Variants in MGAT4C observed in about 807,000 individuals in gnomAD.
MGAT4C encodes alpha-1,3-mannosyl-glycoprotein 4-beta-N-acetylglucosaminyltransferase C.
In MGAT4C, 19 loss-of-function variants were observed where a neutral mutation model predicts 40.1. The observed-to-expected ratio is 0.47, with a 90% CI of 0.33 to 0.70. The LOEUF is 0.70. MGAT4C is among the 30% of genes least tolerant of loss of function. The pLI is 0.02. For synonymous variants in MGAT4C, 181 were observed against 187.1 expected (o/e 0.97, Z 0.27); for missense variants, 491 against 563.2 (o/e 0.87, Z 1.30).
At chr12:86,754,927 A>G (rs1421713690) in intron 1 of MGAT4C, among the ~76,000 whole-genome samples, 1 of 152,032 alleles carries the variant, frequency 6.6e-6, no homozygotes, top group East Asian at 1.9e-4. Context: ...ATCAGACTTT[A>G]GTTTTTAATT....
chr12:86,017,057 T>C lies in MGAT4C; in HGVS notation c.-6-27505A>G, dbSNP rs553048755. ...ACATCTCTTAGTTTTCTTAATACTT[T>C]CTACTTCTTAGAATTGTTATCTGTA... On this transcript the variant is annotated intron_variant, in intron 2 of 4. Transcript: ENST00000611864. Among the ~76,000 whole-genome samples the C allele has an allele frequency of 3.9e-5, 6 of 152,230 alleles. No homozygotes were observed. The East Asian group carries it at 9.6e-4, about 24-fold the overall frequency.
intron 2 of MGAT4C, chr12:86,016,247 T>C (rs1012179586): frequency 1.3e-5 from 2 of 152,232 alleles, no homozygotes; most frequent in Non-Finnish European, 2.9e-5. Context: ...GCGATGTTCC[T>C]GTGCCATCAA....
intron 1 of MGAT4C, among the ~76,000 whole-genome samples, chr12:86,815,691 A>G (rs547924070): frequency 6.6e-6 from 1 of 151,692 alleles, no homozygotes; most frequent in Non-Finnish European, 1.5e-5. Context: ...AAAAGGAATG[A>G]ATTAACAGCA....
At chr12:86,721,432 A>G (rs889344843) in intron 2 of MGAT4C, among the ~76,000 whole-genome samples, 2 of 151,958 alleles carry the variant, frequency 1.3e-5, no homozygotes, top group African/African-American at 4.8e-5. Flanking sequence ...ATAAGAAAAA[A>G]AAAAGTAGAC....
rs137951055 is a variant in MGAT4C, at chr12:86,786,332, G to A, written c.-262+52334C>T. 9.8e-3 allele frequency among the ~76,000 whole-genome samples: 1,493 copies of A among 152,138 alleles called. 86 individuals carry two copies. Among genetic ancestry groups the A allele is most frequent in the Non-Finnish European group, 2.8e-3 (191 of 67,950 alleles). On this transcript the variant is annotated intron_variant, in intron 1 of 7. Coordinates refer to the MGAT4C transcript ENST00000548651. ...GAAATCTGTAGGTTTCTAACAAATG[G>A]TTGAATCTGTAGGTTTCTAACAAAA...
At chr12:85,994,566 A>G (rs1266223456) in intron 2 of MGAT4C, among the ~76,000 whole-genome samples, 1 of 151,950 alleles carries the variant, frequency 6.6e-6, no homozygotes, top group East Asian at 1.9e-4. Flanking sequence ...CCCACCTCAA[A>G]CATAGAATTA....
chr12:86,291,482 T>A (rs1242917001), intron 4 of MGAT4C, among the ~76,000 whole-genome samples: 3 of 152,206 alleles, frequency 2.0e-5, no homozygotes, highest in Non-Finnish European at 4.4e-5. Flanking sequence ...TGAGAAGCTT[T>A]CTTTTTTTCA....
chr12:86,637,210 C>T (rs534919438), intron 2 of MGAT4C, among the ~76,000 whole-genome samples: 23 of 152,010 alleles, frequency 1.5e-4, no homozygotes, highest in Admixed American at 4.6e-4. Context: ...TGGAGCATTC[C>T]TACTGATTAT....
intron 1 of MGAT4C, among the ~76,000 whole-genome samples, chr12:86,192,134 C>A (rs1023943349): frequency 6.7e-6 from 1 of 149,606 alleles, no homozygotes; most frequent in Non-Finnish European, 1.5e-5. Flanking sequence ...AGGAGATATA[C>A]CTAATGTAAA....
At chr12:86,573,971 A>G (rs1450913156) in intron 2 of MGAT4C, among the ~76,000 whole-genome samples, 3 of 151,844 alleles carry the variant, frequency 2.0e-5, no homozygotes, top group Non-Finnish European at 4.4e-5. Context: ...AAGAAACTAC[A>G]CTGACACCAG....
chr12:86,508,757 G>T (rs867476118), intron 2 of MGAT4C, among the ~76,000 whole-genome samples: 3 of 148,384 alleles, frequency 2.0e-5, no homozygotes, highest in East Asian at 2.0e-4. Context: ...CATTCTAACT[G>T]GTGTGAGATG....
intron 2 of MGAT4C, among the ~76,000 whole-genome samples, chr12:86,627,165 G>GA (rs1419572452): frequency 6.6e-6 from 1 of 151,768 alleles, no homozygotes; most frequent in African/African-American, 2.4e-5. Flanking sequence ...AGCCTGGCTG[G>GA]GGAGGGGCAT....
chr12:86,467,840 A>G (rs1176632680), intron 2 of MGAT4C, among the ~76,000 whole-genome samples: 1 of 152,144 alleles, frequency 6.6e-6, no homozygotes, highest in Non-Finnish European at 1.5e-5. Flanking sequence ...CAAGAAATCT[A>G]AATCTACCAT....
intron 2 of MGAT4C, among the ~76,000 whole-genome samples, chr12:86,005,232 C>T (rs867016587): frequency 9.9e-5 from 15 of 152,174 alleles, no homozygotes; most frequent in African/African-American, 3.6e-4. Flanking sequence ...AACATTTACA[C>T]TTGTAAAAAT....
chr12:86,613,933 A>T (rs1030748750), intron 2 of MGAT4C, among the ~76,000 whole-genome samples: 8 of 152,134 alleles, frequency 5.3e-5, no homozygotes, highest in Non-Finnish European at 1.0e-4. Flanking sequence ...AAGACATAAA[A>T]ACACACTATC....
At chr12:86,523,244 T>C (rs1415654559) in intron 2 of MGAT4C, among the ~76,000 whole-genome samples, 1 of 152,154 alleles carries the variant, frequency 6.6e-6, no homozygotes, top group Non-Finnish European at 1.5e-5. Flanking sequence ...TAAATTTCCC[T>C]CTTAATACTG....
intron 3 of MGAT4C, among the ~76,000 whole-genome samples, chr12:86,426,640 C>A (rs1327820978): frequency 6.6e-6 from 1 of 152,032 alleles, no homozygotes; most frequent in African/African-American, 2.4e-5. Context: ...AAAGACATGA[C>A]TACAAGTTCA....
chr12:86,801,019 T>C (rs1412756491), intron 1 of MGAT4C, among the ~76,000 whole-genome samples: 1 of 151,906 alleles, frequency 6.6e-6, no homozygotes, highest in Non-Finnish European at 1.5e-5. Flanking sequence ...AAAATCCTCT[T>C]AGGTCTGTTT....
intron 1 of MGAT4C, among the ~76,000 whole-genome samples, chr12:86,249,991 A>C (rs1010614344): frequency 6.6e-6 from 1 of 152,166 alleles, no homozygotes; most frequent in African/African-American, 2.4e-5. Flanking sequence ...TCACTAGACC[A>C]TGAACCCCTG....
Sources: gnomAD v4.1 joint callset for allele counts (sites outside exome capture counted in the v4.1 genomes callset) on GRCh38, gnomAD v4.1.1 for gene constraint, MANE v1.5 for transcripts, NCBI Gene and HGNC (gene_info 2026-07-23, HGNC 2026-07-21) for gene names.